DAD1: variants seen among roughly 807,000 people sequenced by gnomAD.
DAD1 encodes dolichyl-diphosphooligosaccharide--protein glycosyltransferase subunit DAD1.
In DAD1, 4 loss-of-function variants were observed where a neutral mutation model predicts 9.0. The ratio of observed to expected loss-of-function variants is 0.44; its 90% CI spans 0.22 to 1.01. The LOEUF is 1.01. Ranked by LOEUF, DAD1 falls within the 50% of genes least tolerant of loss-of-function variation. The pLI is 0.24. For synonymous variants in DAD1, 60 were observed against 62.5 expected (o/e 0.96, Z 0.19); for missense variants, 119 against 137.3 (o/e 0.87, Z 0.67).
At chr14:22,565,188 G>GC (rs1256218121) in intron 2 of DAD1, 51 bp from the exon 3 acceptor site, 7 of 699,136 alleles carry the variant, frequency 1.0e-5, no homozygotes, top group Non-Finnish European at 1.8e-5. Flanking sequence ...TAGAGACAGG[G>GC]CCCCAAATCC....
intron 1 of DAD1, among the ~76,000 whole-genome samples, chr14:22,587,519 C>A (rs1282868367): frequency 6.6e-6 from 1 of 152,060 alleles, no homozygotes; most frequent in Non-Finnish European, 1.5e-5. Context: ...AAGGCAAGGA[C>A]GCCACCACAG....
chr14:22,569,576 G>A (rs1015761684), intron 2 of DAD1, among the ~76,000 whole-genome samples: 3 of 152,200 alleles, frequency 2.0e-5, no homozygotes, highest in East Asian at 3.8e-4. Context: ...CTGGAGGAAT[G>A]CAGTAGACTA....
intron 1 of DAD1, among the ~76,000 whole-genome samples, chr14:22,580,573 A>G (rs1023130564): frequency 6.6e-6 from 1 of 152,188 alleles, no homozygotes; most frequent in Non-Finnish European, 1.5e-5. Context: ...TTTTGAGGAA[A>G]TATGAGGGAA....
Position 22,573,766 on chromosome 14 carries a change from CCTCA to C in DAD1, c.*44+1289_*44+1292del, listed in dbSNP as rs1215868633. 4.8e-5 allele frequency among the ~76,000 whole-genome samples: 7 copies of C among 147,342 alleles called. No individual in the cohort carries two copies. In the South Asian group the frequency reaches 1.1e-3, roughly 23 times the overall value. On this transcript the variant is annotated intron_variant, in intron 2 of 2. Transcript: ENST00000250498. ...AAAAAAAGTTTTTCACTGAAATAAA[CCTCA>C]CTGTCAACTTACCACTACCAAAATG...
chr14:22,578,371 C>CCTGGCCAACATGGGGAAA (rs2037092787), intron 1 of DAD1, among the ~76,000 whole-genome samples: 1 of 152,176 alleles, frequency 6.6e-6, no homozygotes, highest in Non-Finnish European at 1.5e-5. Flanking sequence ...TCAAGACCAG[C>CCTGGCCAACATGGGGAAA]CTGGCCAACA....
chr14:22,587,937 T>C (rs1594885844), intron 1 of DAD1, among the ~76,000 whole-genome samples: 1 of 152,310 alleles, frequency 6.6e-6, no homozygotes, highest in Middle Eastern at 3.4e-3. Context: ...GGTTTCACCA[T>C]GTTGGCCAGG....
intron 2 of DAD1, among the ~76,000 whole-genome samples, chr14:22,571,470 A>C (rs1257191180): frequency 1.3e-5 from 2 of 151,952 alleles, no homozygotes. Flanking sequence ...AAAACTGATC[A>C]TTTCAGGTGT....
At chr14:22,566,103 A>G (rs1485032662) in intron 2 of DAD1, among the ~76,000 whole-genome samples, 1 of 152,250 alleles carries the variant, frequency 6.6e-6, no homozygotes, top group Non-Finnish European at 1.5e-5. Flanking sequence ...TTTCAGCCAG[A>G]ATGCTTTTAT....
intron 1 of DAD1, among the ~76,000 whole-genome samples, chr14:22,582,727 C>A (rs1032032888): frequency 1.3e-5 from 2 of 152,120 alleles, no homozygotes; most frequent in African/African-American, 4.8e-5. Flanking sequence ...CACAACCGGC[C>A]GGGCATGGCG....
In DAD1 at chr14:22,575,185, C is replaced by G. The variant is rs1346436440; in HGVS notation, c.260G>C (p.Gly87Ala). 2 of 1,614,144 alleles carry G rather than the reference C, an allele frequency of 1.2e-6. No homozygotes were observed. Among genetic ancestry groups the G allele is most frequent in the East Asian group, 2.2e-5 (1 of 44,886 alleles). The change falls in exon 2 of 3, where the codon GGC becomes GCC. Residue 87 changes from glycine to alanine, a missense_variant. Physicochemically the swap from Gly to Ala is moderately conservative, Grantham distance 60. Transcript: ENST00000250498. ...AGCAAAGGCTCGCTCTGGGGAGATG[C>G]CTTGGAAATCCGCTTTGTTCTGTGG... ...INPQNKADFQGISPERAFADF... is the reference protein window; with the variant it reads ...INPQNKADFQAISPERAFADF...
At chr14:22,573,671 C>T (rs539054622) in intron 2 of DAD1, among the ~76,000 whole-genome samples, 13 of 116,036 alleles carry the variant, frequency 1.1e-4, no homozygotes, top group Admixed American at 1.1e-3. Context: ...GATCGCACCA[C>T]TGCACTCCAG....
intron 2 of DAD1, among the ~76,000 whole-genome samples, chr14:22,571,519 T>C (rs1410265957): frequency 6.6e-6 from 1 of 151,872 alleles, no homozygotes; most frequent in Non-Finnish European, 1.5e-5. Context: ...CTGGGAGAAT[T>C]TTTGCTTTTG....
At chr14:22,574,614 T>A (rs1023183988) in intron 2 of DAD1, among the ~76,000 whole-genome samples, 4 of 152,220 alleles carry the variant, frequency 2.6e-5, no homozygotes, top group Non-Finnish European at 5.9e-5. Context: ...TATTAGCAAA[T>A]GCCCACAGTC....
At chr14:22,568,750 G>A (rs2037018148) in intron 2 of DAD1, among the ~76,000 whole-genome samples, 1 of 148,466 alleles carries the variant, frequency 6.7e-6, no homozygotes, top group Admixed American at 6.7e-5. Context: ...AGGCTGGAGT[G>A]CAAGTGGCAT....
intron 1 of DAD1, among the ~76,000 whole-genome samples, chr14:22,579,892 T>A (rs1048322304): frequency 7.1e-6 from 1 of 140,402 alleles, no homozygotes; most frequent in Non-Finnish European, 1.5e-5. Flanking sequence ...CAGGCTGGAG[T>A]GCAGTGGTGC....
intron 1 of DAD1, among the ~76,000 whole-genome samples, chr14:22,579,116 T>G (rs1472636415): frequency 6.6e-6 from 1 of 152,056 alleles, no homozygotes; most frequent in Non-Finnish European, 1.5e-5. Flanking sequence ...TTCTAGCAGC[T>G]GCTTATTTGT....
At chr14:22,569,298 G>A (rs2037022251) in intron 2 of DAD1, among the ~76,000 whole-genome samples, 2 of 151,978 alleles carry the variant, frequency 1.3e-5, no homozygotes, top group South Asian at 4.2e-4. Context: ...CCAGGCGTGG[G>A]AGCACACACT....
At chr14:22,567,153 T>G (rs1235850253) in intron 2 of DAD1, 1 of 152,220 alleles carries the variant, frequency 6.6e-6, no homozygotes, top group Non-Finnish European at 1.5e-5. Context: ...TTAATCAGTT[T>G]GTTCTAATCA....
chr14:22,573,161 G>A (rs189134994), intron 2 of DAD1, among the ~76,000 whole-genome samples: 24 of 151,518 alleles, frequency 1.6e-4, no homozygotes, highest in Admixed American at 7.2e-4. Context: ...ATGTCTTGAA[G>A]GCAGAAGCCA....
Sources: gnomAD v4.1 joint callset for allele counts (sites outside exome capture counted in the v4.1 genomes callset) on GRCh38, gnomAD v4.1.1 for gene constraint, MANE v1.5 for transcripts, NCBI Gene and HGNC (gene_info 2026-07-23, HGNC 2026-07-21) for gene names.